Variants in CACNB2 observed in about 807,000 individuals in gnomAD.
CACNB2 encodes the protein calcium voltage-gated channel auxiliary subunit beta 2, also known as voltage-dependent L-type calcium channel subunit beta-2.
Under a neutral mutation model 73.3 loss-of-function variants are expected in CACNB2, and 42 were observed. The observed-to-expected ratio is 0.57, with a 90% CI of 0.45 to 0.74. The LOEUF (loss-of-function observed/expected upper bound fraction) is 0.74. CACNB2 is among the 30% of genes least tolerant of loss of function. The probability of loss-of-function intolerance (pLI) is 0.00; values close to 1 mark genes in which losing one functional copy is unlikely to be tolerated. For synonymous variants in CACNB2, 348 were observed against 310.3 expected (o/e 1.12, Z -1.28); for missense variants, 940 against 853.0 (o/e 1.10, Z -1.27).
chr10:18,237,576 G>A (rs2036494757), intron 2 of CACNB2, among the ~76,000 whole-genome samples: 1 of 152,244 alleles, frequency 6.6e-6, no homozygotes, highest in African/African-American at 2.4e-5. Flanking sequence ...GAACTGGAGA[G>A]AGTGTATTTC....
Position 18,150,878 on chromosome 10 carries a change from T to A in CACNB2, c.121-5T>A. The A allele has an allele frequency of 1.5e-6, 2 of 1,338,948 alleles. No individual in the cohort carries two copies. Among genetic ancestry groups the A allele is most frequent in the African/African-American group, 3.2e-5 (2 of 63,168 alleles). 82.9% of individuals were successfully genotyped at this position (1,338,948 alleles called of 1,614,324 possible). Reference sequence around the variant, plus strand: ...GTCTTTTTTTTTTTTTTTTTTTTTTTTTAGTCATATGGAAAAGGAGCCAGA... The same window carrying A: ...GTCTTTTTTTTTTTTTTTTTTTTTTATTAGTCATATGGAAAAGGAGCCAGA... On this transcript the variant is annotated splice_region_variant and splice_polypyrimidine_tract_variant and intron_variant, in intron 1 of 13. Coordinates refer to ENST00000324631, the MANE Select transcript of CACNB2 (RefSeq NM_201596.3).
chr10:18,506,845 G>A (rs1336128894), intron 6 of CACNB2, among the ~76,000 whole-genome samples: 3 of 151,936 alleles, frequency 2.0e-5, no homozygotes, highest in Non-Finnish European at 2.9e-5. Flanking sequence ...TATTGCCCAC[G>A]CTGGAGTGCA....
At chr10:18,179,981 T>G (rs373639468) in intron 2 of CACNB2, among the ~76,000 whole-genome samples, 1 of 152,190 alleles carries the variant, frequency 6.6e-6, no homozygotes. Flanking sequence ...TCCATTCCTG[T>G]GCTTATATGC....
chr10:18,223,991 AT>A (rs11310932), intron 2 of CACNB2, among the ~76,000 whole-genome samples: 115,061 of 146,950 alleles, frequency 0.78, 44,950 homozygotes, highest in Admixed American at 0.82. Context: ...TAAGGGGTCT[AT>A]TTTTTTTTTT....
At chr10:18,156,872 T>TAC (rs1404672504) in intron 2 of CACNB2, among the ~76,000 whole-genome samples, 1 of 119,332 alleles carries the variant, frequency 8.4e-6, no homozygotes. Flanking sequence ...CTACTAAAAG[T>TAC]AGAAAAAAAA....
chr10:18,503,874 A>C (rs1031038544), intron 5 of CACNB2, among the ~76,000 whole-genome samples: 1 of 152,166 alleles, frequency 6.6e-6, no homozygotes, highest in Non-Finnish European at 1.5e-5. Context: ...TACACTGTGA[A>C]TCTCTGGTGG....
chr10:18,292,637 C>G (rs539211543), intron 2 of CACNB2, among the ~76,000 whole-genome samples: 1 of 152,124 alleles, frequency 6.6e-6, no homozygotes, highest in Non-Finnish European at 1.5e-5. Flanking sequence ...GCCTGGGAGA[C>G]AGAGTGAGAC....
intron 3 of CACNB2, among the ~76,000 whole-genome samples, chr10:18,453,838 C>T (rs1027432889): frequency 6.6e-6 from 1 of 152,128 alleles, no homozygotes; most frequent in Non-Finnish European, 1.5e-5. Flanking sequence ...ACCCTGTTGG[C>T]CAGACTCCTG....
chr10:18,226,924 A>G (rs1387964768), intron 2 of CACNB2, among the ~76,000 whole-genome samples: 1 of 152,050 alleles, frequency 6.6e-6, no homozygotes, highest in East Asian at 1.9e-4. Context: ...GGGAATATGG[A>G]AAAAAAGTGG....
At chr10:18,518,229 G>C in intron 7 of CACNB2, 107 bp from the exon 8 acceptor site, 3 of 806,376 alleles carry the variant, frequency 3.7e-6, no homozygotes, top group Non-Finnish European at 6.6e-6. Flanking sequence ...AAAATGTCTG[G>C]AAAGCCAGTG....
intron 5 of CACNB2, among the ~76,000 whole-genome samples, chr10:18,502,828 G>T (rs1323414675): frequency 6.6e-6 from 1 of 151,854 alleles, no homozygotes; most frequent in African/African-American, 2.4e-5. Flanking sequence ...TGGGAGGAGG[G>T]TGAGGATCAG....
rs12219357 is a variant in CACNB2 at position 18,218,784 on chromosome 10, T to A, written c.213+67809T>A. ...CTTGGGAGGCTGAGGCAGGATCACT[T>A]GAACTCTGGAGGCACAAGCTGCAGT... On this transcript the variant is annotated intron_variant, in intron 2 of 13. Transcript: ENST00000324631. Among the ~76,000 whole-genome samples, 2,684 of 152,138 alleles carry A rather than the reference T, an allele frequency of 0.018. 150 individuals carry two copies. In the East Asian group the frequency reaches 0.22, roughly 12 times the overall value.
In CACNB2 at chr10:18,462,540, C is replaced by A. The variant is rs911506814; in HGVS notation, c.334-35815C>A. ...AAAGTGTTGGGATTATGGGCATGAA[C>A]CACTGCACCTTGCCTAGGAACTATT... is the stretch of plus-strand genomic sequence containing the variant. On this transcript the variant is annotated intron_variant, in intron 3 of 13. Transcript: ENST00000324631. 5.3e-5 allele frequency among the ~76,000 whole-genome samples: 8 copies of A among 152,116 alleles called. No homozygotes were observed. The South Asian group carries it at 6.2e-4, about 12-fold the overall frequency.
Position 18,378,396 on chromosome 10 carries a change from C to G in CACNB2, c.214-23528C>G, listed in dbSNP as rs186131376. Reference sequence around the variant, plus strand: ...TGTAGCACCTATAAAATTTCTTTCTCTAGATTTAATTGCTTTATACAAAAT... The same window carrying G: ...TGTAGCACCTATAAAATTTCTTTCTGTAGATTTAATTGCTTTATACAAAAT... On this transcript the variant is annotated intron_variant, in intron 2 of 13. Transcript: ENST00000324631. Among the ~76,000 whole-genome samples, 187 of 152,250 alleles carry G rather than the reference C, an allele frequency of 1.2e-3. 1 individual carries two copies. Among genetic ancestry groups the G allele is most frequent in the Non-Finnish European group, 2.4e-3 (164 of 68,012 alleles).
intron 2 of CACNB2, among the ~76,000 whole-genome samples, chr10:18,313,510 C>T (rs183310027): frequency 1.3e-5 from 2 of 152,000 alleles, no homozygotes; most frequent in African/African-American, 4.8e-5. Context: ...ATCTGTTTTC[C>T]TATTTGCTTC....
chr10:18,356,614 CT>C (rs1438135265), intron 2 of CACNB2, among the ~76,000 whole-genome samples: 2 of 151,884 alleles, frequency 1.3e-5, no homozygotes, highest in Non-Finnish European at 2.9e-5. Flanking sequence ...TTGATCCTCT[CT>C]CCTCTCGTCT....
rs375083604 is a variant in CACNB2 at position 18,523,045 on chromosome 10, A to G, written c.944+4077A>G. On this transcript the variant is annotated intron_variant, in intron 9 of 13. Coordinates refer to ENST00000324631, the MANE Select transcript of CACNB2 (RefSeq NM_201596.3). ...CCTAATTAGATTTTTTTAATTTTCC[A>G]TATCTTTAAGAAATATTTTTCAGTT... Among the ~76,000 whole-genome samples, 199 of 152,246 alleles carry G rather than the reference A, an allele frequency of 1.3e-3. 1 individual carries two copies. Among genetic ancestry groups the G allele is most frequent in the African/African-American group, 4.4e-3 (184 of 41,546 alleles).
intron 3 of CACNB2, among the ~76,000 whole-genome samples, chr10:18,406,134 A>C (rs950244974): frequency 6.6e-6 from 1 of 152,192 alleles, no homozygotes; most frequent in Non-Finnish European, 1.5e-5. Context: ...ACAAAGAAGA[A>C]ATTGGCAGGT....
At chr10:18,266,731 A>C (rs776627127) in intron 2 of CACNB2, among the ~76,000 whole-genome samples, 2 of 152,144 alleles carry the variant, frequency 1.3e-5, no homozygotes, top group Non-Finnish European at 2.9e-5. Flanking sequence ...TCTACTAAAA[A>C]TACAAGAACT....
Sources: gnomAD v4.1 joint callset for allele counts (sites outside exome capture counted in the v4.1 genomes callset) on GRCh38, gnomAD v4.1.1 for gene constraint, MANE v1.5 for transcripts, NCBI Gene and HGNC (gene_info 2026-07-23, HGNC 2026-07-21) for gene names.